Variants in IDO1 observed in about 807,000 individuals in gnomAD.
The protein encoded by IDO1 is indoleamine 2,3-dioxygenase 1.
IDO1 carries 35 observed loss-of-function variants against 38.8 expected under a neutral mutation model. That is an observed-to-expected ratio of 0.90 (90% CI 0.69 to 1.20). The LOEUF (loss-of-function observed/expected upper bound fraction) is 1.20. IDO1 is among the 50% of genes most tolerant of loss of function. The pLI, the probability that IDO1 is intolerant of heterozygous loss-of-function variation, is 0.00. For missense variants in IDO1, 509 were observed against 485.1 expected, an observed-to-expected ratio of 1.05 and a Z score of -0.46; for synonymous variants, 171 against 170.0, an observed-to-expected ratio of 1.01 and a Z score of -0.05.
chr8:39,922,548 T>G lies in IDO1; in HGVS notation c.438-4T>G. On this transcript the variant is annotated splice_polypyrimidine_tract_variant and splice_region_variant and intron_variant, in intron 5 of 9. Coordinates refer to ENST00000518237, the MANE Select transcript of IDO1 (RefSeq NM_002164.6). ...TTCTTGCCTTCCTTATCCAATTTCC[T>G]CAGGAACATGGACGTTTTGTTCTCA... 1 of 1,605,756 alleles carries G rather than the reference T, an allele frequency of 6.2e-7. No homozygotes were observed. Among genetic ancestry groups the G allele is most frequent in the South Asian group, 1.1e-5 (1 of 90,888 alleles).
intron 9 of IDO1, among the ~76,000 whole-genome samples, chr8:39,926,182 A>G (rs1807357187): frequency 6.6e-6 from 1 of 152,190 alleles, no homozygotes; most frequent in African/African-American, 2.4e-5. Flanking sequence ...GCGAGACTCC[A>G]TCTCAAAAAA....
At chr8:39,915,836 A>G (rs772706816) in intron 1 of IDO1, 1 of 152,162 alleles carries the variant, frequency 6.6e-6, no homozygotes. Flanking sequence ...AAACCCCAAA[A>G]GAAAACAAAC....
intron 1 of IDO1, chr8:39,914,355 A>T (rs1807141459): frequency 6.0e-6 from 1 of 165,662 alleles, no homozygotes; most frequent in Non-Finnish European, 1.3e-5. Context: ...GTTTTGCAAA[A>T]GCCAGAGTTT....
In IDO1 at chr8:39,918,246, G is replaced by T. The variant is rs775314054; in HGVS notation, c.303+39G>T. ...CTCAGATTTCTTATGCTATGTGACA[G>T]ATTTTCATCTAATTTACATTTAACT... On this transcript the variant is annotated intron_variant, in intron 3 of 9. Coordinates refer to ENST00000518237, the MANE Select transcript of IDO1 (RefSeq NM_002164.6). The T allele has an allele frequency of 1.9e-6, 3 of 1,583,710 alleles. No homozygotes were observed. The South Asian group carries it at 3.4e-5, about 18-fold the overall frequency.
In IDO1 at chr8:39,918,234, T is replaced by C. The variant is rs199972016; in HGVS notation, c.303+27T>C. The stretch of plus-strand genomic sequence containing the variant: ...TTTGGAGATTTTCTCAGATTTCTTA[T>C]GCTATGTGACAGATTTTCATCTAAT... On this transcript the variant is annotated intron_variant, in intron 3 of 9. Transcript: ENST00000518237. 753 of 1,597,040 alleles carry C rather than the reference T, an allele frequency of 4.7e-4. 3 individuals are homozygous for C. Among genetic ancestry groups the C allele is most frequent in the South Asian group, 1.4e-3 (126 of 89,898 alleles).
In IDO1 at chr8:39,923,456, T is replaced by G. The variant is rs1270213017; in HGVS notation, c.538-13T>G. 5 of 1,409,744 alleles carry G rather than the reference T, an allele frequency of 3.5e-6. No individual in the cohort carries two copies. The highest frequency in any genetic ancestry group is 2.3e-5 in the South Asian group (2 of 85,590). The allele number at this position is 1,409,744 out of a possible 1,614,324, so 87.3% of individuals were successfully genotyped here. On this transcript the variant is annotated splice_polypyrimidine_tract_variant and intron_variant, in intron 6 of 9. Transcript: ENST00000518237. ...AAAACCTTAAATGTTTGTGTTTTGT[T>G]TGTTTGTTTTAGGTAATTCCTACTG...
At chr8:39,922,908 C>G (rs1563416454) in intron 6 of IDO1, 1 of 485,254 alleles carries the variant, frequency 2.1e-6, no homozygotes. Flanking sequence ...GGCTTTGGAA[C>G]TATGATACAG....
rs376170633 is a variant in IDO1, at chr8:39,927,932, T to A, written c.959T>A (p.Val320Asp). The A allele has an allele frequency of 1.9e-6, 3 of 1,607,456 alleles. No homozygotes were observed. Among genetic ancestry groups the A allele is most frequent in the Non-Finnish European group, 2.5e-6 (3 of 1,176,888 alleles). The change falls in exon 10 of 10, where the codon GTC (valine) becomes GAC (aspartate). Residue 320 changes from valine (V) to aspartate (D), a missense_variant. Transcript: ENST00000518237. Reference sequence around the variant, plus strand: ...TCAAATCCCTCAGTCCGTGAGTTTGTCCTTTCAAAAGGTGATGCTGGCCTG... The same window carrying A: ...TCAAATCCCTCAGTCCGTGAGTTTGACCTTTCAAAAGGTGATGCTGGCCTG... Reference protein sequence around the residue: ...LESNPSVREFVLSKGDAGLRE... With the variant: ...LESNPSVREFDLSKGDAGLRE...
At chr8:39,919,902 A>G (rs1439432116) in intron 4 of IDO1, among the ~76,000 whole-genome samples, 198 bp from the exon 5 acceptor site, 1 of 152,222 alleles carries the variant, frequency 6.6e-6, no homozygotes, top group Non-Finnish European at 1.5e-5. Flanking sequence ...ATATTTAATT[A>G]TTTCATTCAT....
intron 5 of IDO1, among the ~76,000 whole-genome samples, chr8:39,922,039 C>G (rs1057207970): frequency 5.9e-5 from 9 of 152,096 alleles, no homozygotes; most frequent in Non-Finnish European, 1.5e-5. Flanking sequence ...TCGCTCTTGT[C>G]GCCCAGGCTG....
intron 6 of IDO1, among the ~76,000 whole-genome samples, chr8:39,923,128 G>A (rs895795881): frequency 3.9e-5 from 6 of 152,150 alleles, no homozygotes; most frequent in Non-Finnish European, 8.8e-5. Context: ...ATTTGGCAGG[G>A]CACAGTGGCT....
intron 5 of IDO1, chr8:39,920,730 G>A (rs190577257): frequency 1.3e-5 from 2 of 152,284 alleles, no homozygotes; most frequent in Non-Finnish European, 2.9e-5. Context: ...TCAGGAGGCT[G>A]AGGCAGGAGA....
At chr8:39,917,647 A>G (rs1348597495) in intron 1 of IDO1, among the ~76,000 whole-genome samples, 3 of 152,222 alleles carry the variant, frequency 2.0e-5, no homozygotes, top group East Asian at 3.8e-4. Flanking sequence ...GAACTTTGAA[A>G]AGCTGCAAAT....
At chr8:39,918,761 AAAAAAAAAC>A (rs1807220540) in intron 3 of IDO1, 45 bp from the exon 4 acceptor site, 2 of 711,294 alleles carry the variant, frequency 2.8e-6, no homozygotes, top group Admixed American at 2.8e-5. Flanking sequence ...AAAAAAAAAA[AAAAAAAAAC>A]AACAACAACA....
In IDO1 at chr8:39,913,964, G is replaced by T; in HGVS notation, c.42G>T (p.Glu14Asp). ...AMENSWTISK[E>D]YHIDEEVGFA... ...AAAACTCCTGGACAATCAGTAAAGA[G>T]TACCATATTGATGAAGAAGTGGGCT... The change falls in exon 1 of 10, where the codon GAG becomes GAT. Residue 14 changes from glutamate to aspartate, a missense_variant. Glu to Asp is a conservative substitution (Grantham distance 45, BLOSUM62 2). Coordinates refer to ENST00000518237, the MANE Select transcript of IDO1 (RefSeq NM_002164.6). 6.3e-7 allele frequency: 1 copy of T among 1,576,042 alleles called. No individual in the cohort carries two copies. The highest frequency in any genetic ancestry group is 8.6e-7 in the Non-Finnish European group (1 of 1,160,640).
chr8:39,917,857 T>C lies in IDO1; in HGVS notation c.88-18T>C, dbSNP rs775763240. 1 of 1,475,904 alleles carries C rather than the reference T, an allele frequency of 6.8e-7. No individual in the cohort carries two copies. The highest frequency in any genetic ancestry group is 1.4e-5 in the African/African-American group (1 of 71,114). 91.4% of individuals were successfully genotyped at this position (1,475,904 alleles called of 1,614,324 possible). A position where few individuals can be genotyped will look rare whatever the true frequency, so the allele number is the denominator to read the frequency against. On this transcript the variant is annotated intron_variant, in intron 1 of 9. Transcript: ENST00000518237. ...AATAACTGCTACTACTAAATAAAGA[T>C]CTTTTTTTTTTTTCAAGGAAAATCT...
intron 9 of IDO1, among the ~76,000 whole-genome samples, 183 bp from the exon 10 acceptor site, chr8:39,927,647 A>G (rs986610647): frequency 6.6e-6 from 1 of 152,130 alleles, no homozygotes; most frequent in African/African-American, 2.4e-5. Flanking sequence ...ATAATATTTT[A>G]CAATAATTAC....
intron 5 of IDO1, among the ~76,000 whole-genome samples, 185 bp from the exon 6 acceptor site, chr8:39,922,367 T>C (rs892630134): frequency 3.3e-5 from 5 of 152,188 alleles, no homozygotes; most frequent in Non-Finnish European, 7.3e-5. Context: ...CTATTAATTA[T>C]ATGATCTTGG....
At chr8:39,919,120 T>C (rs1807230375) in intron 4 of IDO1, 187 bp downstream of exon 4, 1 of 731,126 alleles carries the variant, frequency 1.4e-6, no homozygotes. Context: ...TACACATATG[T>C]GACAGGTGTA....
Sources: gnomAD v4.1 joint callset for allele counts (sites outside exome capture counted in the v4.1 genomes callset) on GRCh38, gnomAD v4.1.1 for gene constraint, MANE v1.5 for transcripts, NCBI Gene and HGNC (gene_info 2026-07-23, HGNC 2026-07-21) for gene names.